The following ARID5A variants were observed in gnomAD, a reference collection of about 807,000 sequenced individuals.
The protein encoded by ARID5A is AT-rich interactive domain-containing protein 5A.
In ARID5A, 14 loss-of-function variants were observed where a neutral mutation model predicts 30.5. That is an observed-to-expected ratio of 0.46 (90% CI 0.30 to 0.72). ARID5A has a LOEUF of 0.72. Among genes scored for constraint, ARID5A ranks in the 30% least tolerant of loss-of-function variants. The probability of loss-of-function intolerance (pLI) is 0.07; values close to 1 mark genes in which losing one functional copy is unlikely to be tolerated. For synonymous variants in ARID5A, 338 were observed against 340.4 expected (o/e 0.99, Z 0.08); for missense variants, 669 against 786.2 (o/e 0.85, Z 1.78).
chr2:96,551,546 T>C lies in ARID5A; in HGVS notation c.1018T>C (p.Phe340Leu). 1 of 1,607,086 alleles carries C rather than the reference T, an allele frequency of 6.2e-7. No individual in the cohort carries two copies. Among genetic ancestry groups the C allele is most frequent in the Non-Finnish European group, 8.5e-7 (1 of 1,177,558 alleles). ...QAGPCPAAPI[F>L]KGCFYTHPTE... ...AGGCCCCTGCCCGGCAGCCCCCATC[T>C]TCAAGGGCTGCTTCTACACCCACCC... The change falls in exon 7 of 7, where the codon TTC (phenylalanine) becomes CTC (leucine). Residue 340 changes from phenylalanine (F) to leucine (L), a missense_variant. By Grantham distance (22) the Phe-to-Leu change is conservative (BLOSUM62 0). Coordinates refer to ENST00000357485, the MANE Select transcript of ARID5A (RefSeq NM_212481.3).
chr2:96,547,825 C>T (rs778120669), intron 2 of ARID5A, among the ~76,000 whole-genome samples: 4 of 152,178 alleles, frequency 2.6e-5, no homozygotes, highest in African/African-American at 9.7e-5. Flanking sequence ...ATAACATGGG[C>T]GTATAAAGTC....
intron 1 of ARID5A, among the ~76,000 whole-genome samples, chr2:96,542,676 C>G (rs984864535): frequency 6.6e-6 from 1 of 152,130 alleles, no homozygotes. Context: ...TCTGATGGGC[C>G]CTGTCTAACC....
chr2:96,550,054 G>T lies in ARID5A; in HGVS notation c.313-134G>T. On this transcript the variant is annotated intron_variant, in intron 4 of 6. Coordinates refer to ENST00000357485, the MANE Select transcript of ARID5A (RefSeq NM_212481.3). The surrounding 1 kb of genome is among the most constrained non-coding windows in gnomAD (Gnocchi z 6.6). ...TCCATGGCCCTAGGAGAGAGAATCG[G>T]CTGGCCGCTGCTGGAGCCGCAGAGC... 6.5e-7 allele frequency: 1 copy of T among 1,532,600 alleles called. No homozygotes were observed. Among genetic ancestry groups the T allele is most frequent in the South Asian group, 1.2e-5 (1 of 83,246 alleles). The allele number at this position is 1,532,600 out of a possible 1,614,324, so 94.9% of individuals were successfully genotyped here.
At chr2:96,546,663 A>G (rs1402720118) in intron 1 of ARID5A, among the ~76,000 whole-genome samples, 3 of 152,224 alleles carry the variant, frequency 2.0e-5, no homozygotes, top group Non-Finnish European at 4.4e-5. Context: ...AGAGGAGGCC[A>G]CCCAGAGGAA....
At chr2:96,538,258 C>G (rs570746808) in intron 1 of ARID5A, 1 of 985,556 alleles carries the variant, frequency 1.0e-6, no homozygotes, top group East Asian at 1.1e-4. Flanking sequence ...AAATGTGGCC[C>G]AGACTCCGTG....
chr2:96,538,353 G>T (rs2065781557), intron 1 of ARID5A: 1 of 984,390 alleles, frequency 1.0e-6, no homozygotes, highest in African/African-American at 1.7e-5. Flanking sequence ...GGGCTTGGAA[G>T]TTGGTAGCCT....
rs530552032 is a variant in ARID5A, at chr2:96,542,280, C to T, written c.5-5122C>T. On this transcript the variant is annotated intron_variant, in intron 1 of 6. Transcript: ENST00000357485. ...GCCCAAAGGCCTGCAACCCAGAGGG[C>T]CCTGGCAGGACAGAGCACTAACCCT... Among the ~76,000 whole-genome samples, 9 of 152,330 alleles carry T rather than the reference C, an allele frequency of 5.9e-5. No individual in the cohort carries two copies. In the South Asian group the frequency reaches 1.2e-3, roughly 21 times the overall value.
At chr2:96,540,706 A>G (rs1001465903) in intron 1 of ARID5A, among the ~76,000 whole-genome samples, 8 of 152,210 alleles carry the variant, frequency 5.3e-5, no homozygotes. Flanking sequence ...GTAGTTTCTA[A>G]ATTTAAATGC....
At chr2:96,541,133 G>A (rs1000671272) in intron 1 of ARID5A, among the ~76,000 whole-genome samples, 5 of 151,840 alleles carry the variant, frequency 3.3e-5, no homozygotes, top group Non-Finnish European at 5.9e-5. Context: ...CACCTCCTGG[G>A]TTCAAGCGAT....
intron 1 of ARID5A, among the ~76,000 whole-genome samples, chr2:96,546,329 A>G (rs1190945449): frequency 6.6e-6 from 1 of 152,246 alleles, no homozygotes; most frequent in East Asian, 1.9e-4. Context: ...TTGTCAGAAG[A>G]TGTGGGTTCC....
intron 1 of ARID5A, among the ~76,000 whole-genome samples, chr2:96,545,956 A>G (rs1045112230): frequency 3.3e-5 from 5 of 151,808 alleles, no homozygotes; most frequent in Non-Finnish European, 7.4e-5. Context: ...TCTGACTCAA[A>G]AAAAAAAAAA....
At position 96,550,964 on chromosome 2, in the gene ARID5A, C is replaced by A; in HGVS notation, c.571-135C>A. 7.9e-7 allele frequency: 1 copy of A among 1,258,292 alleles called. No individual in the cohort carries two copies. Among genetic ancestry groups the A allele is most frequent in the Non-Finnish European group, 1.1e-6 (1 of 909,800 alleles). 77.9% of individuals were successfully genotyped at this position (1,258,292 alleles called of 1,614,324 possible). A position where few individuals can be genotyped will look rare whatever the true frequency, so the allele number is the denominator to read the frequency against. On this transcript the variant is annotated intron_variant, in intron 6 of 6. Coordinates refer to ENST00000357485, the MANE Select transcript of ARID5A (RefSeq NM_212481.3). The surrounding 1 kb of genome is among the most constrained non-coding windows in gnomAD (Gnocchi z 6.6). Reference sequence around the variant, plus strand: ...CTGTGTCCACTCAGAGGACAGGGCACCTTTGGAAAATTCTGTACAGAGGAC... The same window carrying A: ...CTGTGTCCACTCAGAGGACAGGGCAACTTTGGAAAATTCTGTACAGAGGAC...
chr2:96,542,090 A>T (rs113981859), intron 1 of ARID5A, among the ~76,000 whole-genome samples: 14 of 152,280 alleles, frequency 9.2e-5, no homozygotes, highest in African/African-American at 3.4e-4. Context: ...GCGGGTTTCA[A>T]GCTTATTTTT....
At position 96,550,292 on chromosome 2, in the gene ARID5A, C is replaced by T; in HGVS notation, c.410+7C>T. 2.1e-6 allele frequency: 3 copies of T among 1,441,072 alleles called. No individual in the cohort carries two copies. Among genetic ancestry groups the T allele is most frequent in the South Asian group, 1.5e-5 (1 of 68,298 alleles). 89.3% of individuals were successfully genotyped at this position (1,441,072 alleles called of 1,614,324 possible). ...CGCGCCGCCACTACGAGAGGTACGG[C>T]GGGGCGGGCCCGGGTGCTGGACGCC... On this transcript the variant is annotated splice_region_variant and intron_variant, in intron 5 of 6. Coordinates refer to ENST00000357485, the MANE Select transcript of ARID5A (RefSeq NM_212481.3). This position sits in a 1 kb window ranked among gnomAD's most constrained non-coding sequence, Gnocchi z 6.6.
rs1553394773 is a variant in ARID5A at position 96,539,068 on chromosome 2, T to C, written c.4+2238T>C. Among the ~76,000 whole-genome samples the C allele has an allele frequency of 6.6e-6, 1 of 152,128 alleles. No individual in the cohort carries two copies. The highest frequency in any genetic ancestry group is 1.5e-5 in the Non-Finnish European group (1 of 68,012). On this transcript the variant is annotated intron_variant, in intron 1 of 6. Coordinates refer to ENST00000357485, the MANE Select transcript of ARID5A (RefSeq NM_212481.3). This position sits in a 1 kb window ranked among gnomAD's most constrained non-coding sequence, Gnocchi z 4.7. ...AGCACCTGCTGGGCAGCGAGGTGCC[T>C]TGGGGAGGGAGCAGGACAGGCAGGC...
chr2:96,539,624 A>G lies in ARID5A; in HGVS notation c.4+2794A>G, dbSNP rs2065808628. 6.6e-6 allele frequency among the ~76,000 whole-genome samples: 1 copy of G among 152,216 alleles called. No homozygotes were observed. The highest frequency in any genetic ancestry group is 2.1e-4 in the South Asian group (1 of 4,832). On this transcript the variant is annotated intron_variant, in intron 1 of 6. Coordinates refer to ENST00000357485, the MANE Select transcript of ARID5A (RefSeq NM_212481.3). This position sits in a 1 kb window ranked among gnomAD's most constrained non-coding sequence, Gnocchi z 4.7. ...CCTCCTTCCTCAAGATTATGGAGAT[A>G]ACACCCCTTATTCAAAGATGGTGGG... is the stretch of plus-strand genomic sequence containing the variant.
At position 96,549,762 on chromosome 2, in the gene ARID5A, G is replaced by A. The variant is rs2065993246; in HGVS notation, c.269G>A (p.Trp90Ter). 6.2e-7 allele frequency: 1 copy of A among 1,613,914 alleles called. No homozygotes were observed. The highest frequency in any genetic ancestry group is 8.5e-7 in the Non-Finnish European group (1 of 1,179,944). Residue 90 changes from tryptophan to a stop codon, truncating the protein, a stop_gained, in exon 4 of 7, where the codon TGG becomes TAG. Coordinates refer to ENST00000357485, the MANE Select transcript of ARID5A (RefSeq NM_212481.3). LOFTEE classifies it high-confidence loss of function. The surrounding 1 kb of genome is among the most constrained non-coding windows in gnomAD (Gnocchi z 6.1). The stretch of plus-strand genomic sequence containing the variant: ...CTCTTCTCTCCCCCAGTTAACCTGT[G>A]GAAGATCTACAAAGCAGTGGAGAAG... ...PHLGFKQINL[W>*]KIYKAVEKLG... is the part of the protein sequence containing the mutation.
At chr2:96,548,637 G>A (rs868243800) in intron 2 of ARID5A, among the ~76,000 whole-genome samples, 2 of 152,246 alleles carry the variant, frequency 1.3e-5, no homozygotes, top group Admixed American at 6.5e-5. Flanking sequence ...TGTCCTGGAA[G>A]CTGTCTGTTC....
chr2:96,549,179 C>T lies in ARID5A; in HGVS notation c.121-142C>T. 1.4e-6 allele frequency: 2 copies of T among 1,471,272 alleles called. No individual in the cohort carries two copies. The highest frequency in any genetic ancestry group is 2.3e-5 in the East Asian group (1 of 43,810). 91.1% of individuals were successfully genotyped at this position (1,471,272 alleles called of 1,614,324 possible). Reference sequence around the variant, plus strand: ...CCGAACCCAGGAACAGTCACTCCCTCCCAGAACAGTGGCTAGGTGTTCTCT... The same window carrying T: ...CCGAACCCAGGAACAGTCACTCCCTTCCAGAACAGTGGCTAGGTGTTCTCT... On this transcript the variant is annotated intron_variant, in intron 2 of 6. Coordinates refer to ENST00000357485, the MANE Select transcript of ARID5A (RefSeq NM_212481.3). This position sits in a 1 kb window ranked among gnomAD's most constrained non-coding sequence, Gnocchi z 6.1.
Sources: allele counts gnomAD v4.1 joint callset (sites outside exome capture counted in the v4.1 genomes callset), GRCh38; gene constraint gnomAD v4.1.1; non-coding constraint Gnocchi (gnomAD v3.1); transcripts MANE v1.5; gene names NCBI Gene and HGNC (gene_info 2026-07-23, HGNC 2026-07-21).